The following TBC1D32 variants were observed in gnomAD, a reference collection of about 807,000 sequenced individuals.
TBC1D32 encodes protein broad-minded.
TBC1D32 carries 151 observed loss-of-function variants against 170.3 expected under a neutral mutation model. The observed-to-expected ratio is 0.89, with a 90% CI of 0.78 to 1.01. The LOEUF is 1.01. Among genes scored for constraint, TBC1D32 ranks in the 50% least tolerant of loss-of-function variants. The pLI is 0.00. For missense variants in TBC1D32, 1,464 were observed against 1,457.1 expected, an observed-to-expected ratio of 1.00 and a Z score of -0.08; for synonymous variants, 498 against 488.0, an observed-to-expected ratio of 1.02 and a Z score of -0.27.
intron 22 of TBC1D32, among the ~76,000 whole-genome samples, chr6:121,198,246 T>A (rs13217448): frequency 4.2e-4 from 50 of 118,944 alleles, no homozygotes; most frequent in Admixed American, 6.8e-4. Flanking sequence ...AATATATATA[T>A]TATATATATA....
At chr6:121,294,385 G>C (rs924662017) in intron 11 of TBC1D32, among the ~76,000 whole-genome samples, 185 bp downstream of exon 11, 11 of 151,622 alleles carry the variant, frequency 7.3e-5, no homozygotes, top group Non-Finnish European at 1.3e-4. Context: ...ATGTAGATCT[G>C]TTATAAAAAA....
At chr6:121,149,433 T>C (rs984831150) in intron 24 of TBC1D32, among the ~76,000 whole-genome samples, 2 of 152,212 alleles carry the variant, frequency 1.3e-5, no homozygotes, top group African/African-American at 4.8e-5. Context: ...TTAATCTTTG[T>C]ATAAGTTATA....
intron 22 of TBC1D32, among the ~76,000 whole-genome samples, chr6:121,190,597 G>A (rs1031633143): frequency 9.9e-5 from 15 of 152,202 alleles, no homozygotes; most frequent in African/African-American, 3.6e-4. Context: ...TGTAAGATGA[G>A]GGACTAGCCT....
intron 20 of TBC1D32, among the ~76,000 whole-genome samples, chr6:121,238,377 T>C (rs948636861): frequency 6.6e-6 from 1 of 152,092 alleles, no homozygotes; most frequent in East Asian, 1.9e-4. Context: ...TTTAACTTAT[T>C]TTTTCCAGAA....
chr6:121,118,631 G>A (rs1562538361), intron 26 of TBC1D32, among the ~76,000 whole-genome samples: 1 of 152,096 alleles, frequency 6.6e-6, no homozygotes. Flanking sequence ...TTCTCCACTG[G>A]AGGACAAATC....
At chr6:121,172,732 C>T (rs577742222) in intron 22 of TBC1D32, among the ~76,000 whole-genome samples, 1 of 152,282 alleles carries the variant, frequency 6.6e-6, no homozygotes, top group South Asian at 2.1e-4. Flanking sequence ...CATGTATACA[C>T]TTGTACTAAG....
chr6:121,321,908 T>C, intron 1 of TBC1D32, 114 bp from the exon 2 acceptor site: 1 of 1,011,284 alleles, frequency 9.9e-7, no homozygotes. Flanking sequence ...TAGGATTAAA[T>C]TAGTCATTCA....
At chr6:121,301,468 A>G (rs1158914850) in intron 9 of TBC1D32, among the ~76,000 whole-genome samples, 3 of 152,132 alleles carry the variant, frequency 2.0e-5, no homozygotes, top group Non-Finnish European at 2.9e-5. Context: ...GTTCTCACTC[A>G]TAAGTGAGAG....
chr6:121,085,645 A>G (rs1417086136), intron 31 of TBC1D32, among the ~76,000 whole-genome samples: 1 of 152,012 alleles, frequency 6.6e-6, no homozygotes, highest in African/African-American at 2.4e-5. Context: ...CTTCTGCCAA[A>G]TAAATTCTGA....
rs1282709453 is a variant in TBC1D32 at position 121,281,563 on chromosome 6, T to A, written c.1589A>T (p.Asn530Ile). ...ACGAACCTCATTTCCTTTCATTAAA[T>A]TGTGAATAGGCTGAAGAAGTGTCTC... ...VIETLLQPIH[N>I]LMKGNEASPN... The change falls in exon 14 of 32, where the codon AAT (asparagine) becomes ATT (isoleucine). Residue 530 changes from asparagine to isoleucine, a missense_variant. By Grantham distance (149) the Asn-to-Ile change is moderately radical (BLOSUM62 -3). Coordinates refer to ENST00000398212, the MANE Select transcript of TBC1D32 (RefSeq NM_152730.6). 3 of 1,605,772 alleles carry A rather than the reference T, an allele frequency of 1.9e-6. No individual in the cohort carries two copies. Among genetic ancestry groups the A allele is most frequent in the African/African-American group, 1.3e-5 (1 of 74,662 alleles).
At chr6:121,249,544 T>C (rs1798035861) in intron 17 of TBC1D32, among the ~76,000 whole-genome samples, 1 of 151,944 alleles carries the variant, frequency 6.6e-6, no homozygotes, top group African/African-American at 2.4e-5. Flanking sequence ...CTGCTGATTA[T>C]ATGATCATAT....
Position 121,080,714 on chromosome 6 carries a change from C to G in TBC1D32, c.*57G>C, listed in dbSNP as rs1775552956. On this transcript the variant is annotated 3_prime_UTR_variant, in exon 32 of 32. Transcript: ENST00000398212. ...TTACAGACACAGAAAAACATCAAGCCCCCCTGCTGTGTTTAAAAATAAATA... is the reference window on the plus strand; with the variant it reads ...TTACAGACACAGAAAAACATCAAGCGCCCCTGCTGTGTTTAAAAATAAATA... The G allele has an allele frequency of 2.0e-6, 3 of 1,531,102 alleles. No individual in the cohort carries two copies. The highest frequency in any genetic ancestry group is 2.6e-6 in the Non-Finnish European group (3 of 1,140,422). The allele number at this position is 1,531,102 out of a possible 1,614,324, so 94.8% of individuals were successfully genotyped here. A position where few individuals can be genotyped will look rare whatever the true frequency, so the allele number is the denominator to read the frequency against.
chr6:121,286,738 AG>A (rs1295001050), intron 12 of TBC1D32, among the ~76,000 whole-genome samples: 2 of 152,238 alleles, frequency 1.3e-5, no homozygotes, highest in East Asian at 3.8e-4. Flanking sequence ...AAAAATGTAA[AG>A]GGCAGCCAGA....
chr6:121,231,294 C>G (rs9490145), intron 20 of TBC1D32, among the ~76,000 whole-genome samples: 1,721 of 152,140 alleles, frequency 0.011, 43 homozygotes, highest in African/African-American at 0.04. Context: ...CCATGGTATA[C>G]ATATACCGTA....
intron 22 of TBC1D32, among the ~76,000 whole-genome samples, chr6:121,190,495 C>T (rs541434076): frequency 3.3e-5 from 5 of 151,626 alleles, no homozygotes; most frequent in Admixed American, 3.3e-4. Context: ...TCACTATCAT[C>T]TTCCCGCCTC....
At chr6:121,271,844 T>G (rs1424019435) in intron 15 of TBC1D32, among the ~76,000 whole-genome samples, 1 of 152,140 alleles carries the variant, frequency 6.6e-6, no homozygotes, top group Non-Finnish European at 1.5e-5. Context: ...CCATGCCACC[T>G]GACTTCAAAC....
At chr6:121,315,649 C>CT (rs201676270) in intron 3 of TBC1D32, among the ~76,000 whole-genome samples, 1 of 151,862 alleles carries the variant, frequency 6.6e-6, no homozygotes, top group Non-Finnish European at 1.5e-5. Flanking sequence ...AAATTCAGAC[C>CT]TTTTTTTTCA....
At chr6:121,215,629 A>G (rs1464569060) in intron 21 of TBC1D32, among the ~76,000 whole-genome samples, 1 of 149,742 alleles carries the variant, frequency 6.7e-6, no homozygotes, top group African/African-American at 2.5e-5. Flanking sequence ...TCTAATATCC[A>G]GCATCTATAA....
intron 23 of TBC1D32, 141 bp from the exon 24 acceptor site, chr6:121,160,244 A>G (rs1785445657): frequency 3.6e-6 from 2 of 558,682 alleles, no homozygotes; most frequent in African/African-American, 3.7e-5. Context: ...ACCAAAAGCT[A>G]TTTGATACTA....
Sources: gnomAD v4.1 joint callset for allele counts (sites outside exome capture counted in the v4.1 genomes callset) on GRCh38, gnomAD v4.1.1 for gene constraint, MANE v1.5 for transcripts, NCBI Gene and HGNC (gene_info 2026-07-23, HGNC 2026-07-21) for gene names.